RAB3GAP2: variants seen among roughly 807,000 people sequenced by gnomAD.
RAB3GAP2 encodes RAB3 GTPase activating non-catalytic protein subunit 2.
Under a neutral mutation model 185.3 loss-of-function variants are expected in RAB3GAP2, and 87 were observed. The observed-to-expected ratio is 0.47, with a 90% CI of 0.39 to 0.56. The LOEUF is 0.56. RAB3GAP2 is among the 20% of genes least tolerant of loss of function. RAB3GAP2 has a pLI of 0.00. For missense variants in RAB3GAP2, 1,492 were observed against 1,638.2 expected, an observed-to-expected ratio of 0.91 and a Z score of 1.54; for synonymous variants, 554 against 576.1, an observed-to-expected ratio of 0.96 and a Z score of 0.55.
chr1:220,182,592 C>G, intron 20 of RAB3GAP2, 126 bp downstream of exon 20: 1 of 1,183,536 alleles, frequency 8.4e-7, no homozygotes, highest in Non-Finnish European at 1.2e-6. Context: ...CCAAAAAATA[C>G]AGTACATTAA....
At position 220,153,417 on chromosome 1, in the gene RAB3GAP2, GAGAA is replaced by G; in HGVS notation, c.3646-15_3646-12del. 4 of 1,609,160 alleles carry G rather than the reference GAGAA, an allele frequency of 2.5e-6. No homozygotes were observed. Among genetic ancestry groups the G allele is most frequent in the Non-Finnish European group, 3.4e-6 (4 of 1,175,514 alleles). On this transcript the variant is annotated splice_polypyrimidine_tract_variant and intron_variant, in intron 32 of 34. Transcript: ENST00000358951. Reference sequence around the variant, plus strand: ...AACTTTCAATAAGAACTTGAAAATGGAGAAAGAGATAGAGCAATGCATTGTTACT... The same window carrying G: ...AACTTTCAATAAGAACTTGAAAATGGAGAGATAGAGCAATGCATTGTTACT...
At chr1:220,192,451 A>G (rs1432246578) in intron 13 of RAB3GAP2, among the ~76,000 whole-genome samples, 3 of 152,212 alleles carry the variant, frequency 2.0e-5, no homozygotes, top group East Asian at 3.8e-4. Flanking sequence ...ATGATTCTAA[A>G]TAATGTAATC....
chr1:220,238,521 G>A (rs1193691567), intron 1 of RAB3GAP2, among the ~76,000 whole-genome samples: 5 of 152,166 alleles, frequency 3.3e-5, no homozygotes. Context: ...GTTAAAAACT[G>A]CACCTATCTC....
intron 32 of RAB3GAP2, 139 bp downstream of exon 32, chr1:220,153,829 C>A: frequency 8.5e-7 from 1 of 1,178,750 alleles, no homozygotes; most frequent in Non-Finnish European, 1.2e-6. Context: ...TCAACTCCCA[C>A]CTATGAGTGA....
At position 220,185,754 on chromosome 1, in the gene RAB3GAP2, T is replaced by C. The variant is rs1486636720; in HGVS notation, c.1780-13A>G. ...TGCTTTCCAAAGCCTAGGAGAAAGA[T>C]ATTGAACAGTTCTAGTAATTATAAG... On this transcript the variant is annotated splice_polypyrimidine_tract_variant and intron_variant, in intron 17 of 34. Coordinates refer to ENST00000358951, the MANE Select transcript of RAB3GAP2 (RefSeq NM_012414.4). 1.3e-6 allele frequency: 2 copies of C among 1,588,474 alleles called. No individual in the cohort carries two copies. Among genetic ancestry groups the C allele is most frequent in the East Asian group, 2.2e-5 (1 of 44,624 alleles).
intron 1 of RAB3GAP2, among the ~76,000 whole-genome samples, chr1:220,237,878 A>C (rs1284106399): frequency 2.7e-5 from 4 of 147,774 alleles, no homozygotes; most frequent in African/African-American, 1.1e-4. Context: ...TAGCCATATT[A>C]AAAAGTAAAA....
rs776712267 is a variant in RAB3GAP2 at position 220,190,519 on chromosome 1, G to C, written c.1489C>G (p.Leu497Val). Residue 497 changes from leucine to valine, a missense_variant and splice_region_variant, in exon 15 of 35, where the codon CTG (leucine) becomes GTG (valine). Physicochemically the swap from Leu to Val is conservative, Grantham distance 32. This residue lies in a region of RAB3GAP2 where 681 missense variants were observed against 689.1 expected (regional missense o/e 0.99). Coordinates refer to ENST00000358951, the MANE Select transcript of RAB3GAP2 (RefSeq NM_012414.4). ...GAFNVGKHCR[L>V]LYPGYKIMGL... ...ATTATTTTATAGCCAGGATACAGCAGCCTAAAGAAATCACATACCAATATG... is the reference window on the plus strand; with the variant it reads ...ATTATTTTATAGCCAGGATACAGCACCCTAAAGAAATCACATACCAATATG... 26 of 1,595,208 alleles carry C rather than the reference G, an allele frequency of 1.6e-5. No individual in the cohort carries two copies. The highest frequency in any genetic ancestry group is 2.2e-5 in the Non-Finnish European group (26 of 1,162,860).
chr1:220,182,345 A>C lies in RAB3GAP2; in HGVS notation c.2222T>G (p.Phe741Cys). Residue 741 changes from phenylalanine to cysteine, a missense_variant, in exon 21 of 35, where the codon TTT (phenylalanine) becomes TGT (cysteine). Physicochemically the swap from Phe to Cys is radical, Grantham distance 205. Around this residue, in one of 5 missense-constraint regions of RAB3GAP2, gnomAD observed 681 missense variants for 689.1 expected, o/e 0.99. Coordinates refer to ENST00000358951, the MANE Select transcript of RAB3GAP2 (RefSeq NM_012414.4). Reference protein sequence around the residue: ...EEEYVALGSFFFWKCLHGESS... With the variant: ...EEEYVALGSFCFWKCLHGESS... The stretch of plus-strand genomic sequence containing the variant: ...TTCTCCATGCAAACACTTCCAAAAA[A>C]AGAAACTACCTGGTAGAAGAAAAAC... 1 of 1,614,108 alleles carries C rather than the reference A, an allele frequency of 6.2e-7. No homozygotes were observed. Among genetic ancestry groups the C allele is most frequent in the Non-Finnish European group, 8.5e-7 (1 of 1,179,978 alleles).
rs544780017 is a variant in RAB3GAP2 at position 220,191,906 on chromosome 1, C to CTT, written c.1271-624_1271-623dup. Among the ~76,000 whole-genome samples, 528 of 152,102 alleles carry CTT rather than the reference C, an allele frequency of 3.5e-3. 6 individuals are homozygous for CTT. Among genetic ancestry groups the CTT allele is most frequent in the African/African-American group, 0.012 (496 of 41,498 alleles). On this transcript the variant is annotated intron_variant, in intron 13 of 34. Coordinates refer to ENST00000358951, the MANE Select transcript of RAB3GAP2 (RefSeq NM_012414.4). The stretch of plus-strand genomic sequence containing the variant: ...CATTCCCTTCCCTTCCCACACAAGC[C>CTT]TTTTGGTGACATGCAGATAGAAAAT...
chr1:220,200,669 CT>C (rs767442399), intron 9 of RAB3GAP2: 6 of 509,264 alleles, frequency 1.2e-5, no homozygotes, highest in Admixed American at 1.1e-4. Context: ...GAACTTAACA[CT>C]TTGGAATTTT....
intron 9 of RAB3GAP2, among the ~76,000 whole-genome samples, chr1:220,201,414 TCAAA>T (rs1163665516): frequency 6.6e-6 from 1 of 152,182 alleles, no homozygotes; most frequent in African/African-American, 2.4e-5. Context: ...GAAAAATTAG[TCAAA>T]CAGTGAGTGA....
chr1:220,221,853 C>G (rs1182531583), intron 2 of RAB3GAP2, among the ~76,000 whole-genome samples: 1 of 152,210 alleles, frequency 6.6e-6, no homozygotes, highest in Non-Finnish European at 1.5e-5. Flanking sequence ...ACTGGGTAAA[C>G]ACAGTGGCCA....
At chr1:220,269,871 G>A (rs1660303435) in intron 1 of RAB3GAP2, among the ~76,000 whole-genome samples, 2 of 152,142 alleles carry the variant, frequency 1.3e-5, no homozygotes, top group African/African-American at 2.4e-5. Context: ...GAGAAAAGAT[G>A]GTGGCCTGGA....
intron 1 of RAB3GAP2, among the ~76,000 whole-genome samples, chr1:220,239,884 C>G (rs1659658253): frequency 1.3e-5 from 2 of 151,668 alleles, no homozygotes; most frequent in African/African-American, 4.8e-5. Context: ...AACCAATTTG[C>G]TCAATTACAT....
chr1:220,260,964 T>C (rs989760542), intron 1 of RAB3GAP2, among the ~76,000 whole-genome samples: 1 of 152,154 alleles, frequency 6.6e-6, no homozygotes, highest in African/African-American at 2.4e-5. Flanking sequence ...TAGCCATATG[T>C]AGCTAGTGGC....
chr1:220,149,154 ATTTAT>A lies in RAB3GAP2; in HGVS notation c.*2092_*2096del, dbSNP rs1657691596. ...GCCTTTCTTCCTATCAATCAGATTTATTTATTTTAAAAGCCCTTGATAAGTAGTAA... is the reference window on the plus strand; with the variant it reads ...GCCTTTCTTCCTATCAATCAGATTTATTTAAAAGCCCTTGATAAGTAGTAA... On this transcript the variant is annotated 3_prime_UTR_variant, in exon 35 of 35. Coordinates refer to ENST00000358951, the MANE Select transcript of RAB3GAP2 (RefSeq NM_012414.4). 6.6e-6 allele frequency: 1 copy of A among 152,152 alleles called. No homozygotes were observed. Among genetic ancestry groups the A allele is most frequent in the Admixed American group, 6.5e-5 (1 of 15,268 alleles). The allele number at this position is 152,152 out of a possible 1,614,324, so 9.4% of individuals were successfully genotyped here. A position where few individuals can be genotyped will look rare whatever the true frequency, so the allele number is the denominator to read the frequency against.
intron 2 of RAB3GAP2, among the ~76,000 whole-genome samples, chr1:220,231,085 A>G (rs1255384080): frequency 6.6e-6 from 1 of 152,226 alleles, no homozygotes; most frequent in East Asian, 1.9e-4. Context: ...GTGAGCTGTC[A>G]AAGTCAGAAA....
intron 1 of RAB3GAP2, among the ~76,000 whole-genome samples, chr1:220,252,005 A>G (rs1027816757): frequency 5.9e-5 from 9 of 152,192 alleles, no homozygotes; most frequent in African/African-American, 1.2e-4. Flanking sequence ...TAGAAAAAGT[A>G]GCTGGACATG....
chr1:220,223,690 C>A (rs2102887257), intron 2 of RAB3GAP2, among the ~76,000 whole-genome samples: 1 of 148,600 alleles, frequency 6.7e-6, no homozygotes, highest in East Asian at 2.0e-4. Flanking sequence ...AGAAATATTT[C>A]ACTTAAAAAA....
Sources: allele counts gnomAD v4.1 joint callset (sites outside exome capture counted in the v4.1 genomes callset), GRCh38; gene constraint gnomAD v4.1.1; regional missense constraint gnomAD v4.1.1; transcripts MANE v1.5; gene names NCBI Gene and HGNC (gene_info 2026-07-23, HGNC 2026-07-21).